DPP6: variants seen among roughly 807,000 people sequenced by gnomAD.
The protein encoded by DPP6 is A-type potassium channel modulatory protein DPP6.
Under a neutral mutation model 122.6 loss-of-function variants are expected in DPP6, and 69 were observed. The ratio of observed to expected loss-of-function variants is 0.56; its 90% CI spans 0.46 to 0.69. The LOEUF (loss-of-function observed/expected upper bound fraction) is 0.69. DPP6 is among the 30% of genes least tolerant of loss of function. The pLI is 0.00. For missense variants in DPP6, 928 were observed against 1,116.9 expected (o/e 0.83, Z 2.41); for synonymous variants, 418 against 433.1 (o/e 0.97, Z 0.43).
At chr7:154,233,542 T>A (rs1417239954) in intron 1 of DPP6, among the ~76,000 whole-genome samples, 1 of 152,118 alleles carries the variant, frequency 6.6e-6, no homozygotes, top group Non-Finnish European at 1.5e-5. Context: ...GGTGTCCTTA[T>A]GAAAAGAGGA....
chr7:154,014,147 C>G (rs1374217984), intron 1 of DPP6, among the ~76,000 whole-genome samples: 1 of 150,702 alleles, frequency 6.6e-6, no homozygotes, highest in East Asian at 1.9e-4. Context: ...TAAAAAGACC[C>G]TAATGTAGCA....
At chr7:154,454,720 T>G (rs1820678884) in intron 2 of DPP6, among the ~76,000 whole-genome samples, 1 of 152,152 alleles carries the variant, frequency 6.6e-6, no homozygotes, top group African/African-American at 2.4e-5. Context: ...TACACCAGTG[T>G]CCTAACCAGT....
At chr7:153,924,767 TTGCAGGACGTTGTGTG>T (rs1800811366) in intron 1 of DPP6, among the ~76,000 whole-genome samples, 1 of 152,204 alleles carries the variant, frequency 6.6e-6, no homozygotes, top group Admixed American at 6.5e-5. Context: ...GTCCCAGGTG[TTGCAGGACGTTGTGTG>T]TGCCCACAAG....
chr7:153,980,747 C>T (rs2531121), intron 1 of DPP6, among the ~76,000 whole-genome samples: 1 of 152,062 alleles, frequency 6.6e-6, no homozygotes, highest in African/African-American at 2.4e-5. Context: ...GTACATTGTG[C>T]CTTTGTTCTC....
intron 1 of DPP6, among the ~76,000 whole-genome samples, chr7:154,054,604 T>C (rs1800660650): frequency 6.6e-6 from 1 of 152,086 alleles, no homozygotes; most frequent in African/African-American, 2.4e-5. Flanking sequence ...TCCCTCACTT[T>C]GGTGGGCCAA....
chr7:154,889,767 T>C, intron 25 of DPP6: 1 of 605,432 alleles, frequency 1.7e-6, no homozygotes. Context: ...GACAACCATC[T>C]CCCCGTACTC....
At chr7:153,939,710 C>T (rs1348170834) in intron 1 of DPP6, among the ~76,000 whole-genome samples, 1 of 152,202 alleles carries the variant, frequency 6.6e-6, no homozygotes, top group Non-Finnish European at 1.5e-5. Context: ...CAGGGAACTC[C>T]ATGCTCTCAT....
At chr7:154,439,794 T>G (rs1819203999) in intron 1 of DPP6, among the ~76,000 whole-genome samples, 1 of 152,214 alleles carries the variant, frequency 6.6e-6, no homozygotes, top group South Asian at 2.1e-4. Context: ...GTGGGTAGGA[T>G]TTCAAACTGC....
rs61038137 is a variant in DPP6, at chr7:154,483,401, T to TTTTTTTTAA, written c.457+8364_457+8365insTTTTTTTAA. Among the ~76,000 whole-genome samples the TTTTTTTTAA allele has an allele frequency of 2.6e-5, 4 of 151,248 alleles. No individual in the cohort carries two copies. The highest frequency in any genetic ancestry group is 9.7e-5 in the African/African-American group (4 of 41,130). ...AGGCACAATACAATTTTTTTTTTTTTAAAAGCATTTATTTGAGCAAACAGT... is the reference window on the plus strand; with the variant it reads ...AGGCACAATACAATTTTTTTTTTTTTTTTTTTTAAAAAAGCATTTATTTGAGCAAACAGT... On this transcript the variant is annotated intron_variant, in intron 3 of 25. Coordinates refer to ENST00000377770, the MANE Select transcript of DPP6 (RefSeq NM_130797.4). This position sits in a 1 kb window ranked among gnomAD's most constrained non-coding sequence, Gnocchi z 8.1.
chr7:154,072,365 T>C (rs1434189453), intron 1 of DPP6, among the ~76,000 whole-genome samples: 2 of 152,198 alleles, frequency 1.3e-5, no homozygotes, highest in Admixed American at 1.3e-4. Flanking sequence ...TTCCAGACCT[T>C]GCTAACAGCA....
At chr7:154,112,151 C>T (rs914268955) in intron 1 of DPP6, among the ~76,000 whole-genome samples, 5 of 152,146 alleles carry the variant, frequency 3.3e-5, no homozygotes, top group Admixed American at 2.0e-4. Flanking sequence ...TTTTGGATGA[C>T]GTGGACAGTG....
chr7:153,989,585 G>T (rs1797049553), intron 1 of DPP6, among the ~76,000 whole-genome samples: 1 of 151,960 alleles, frequency 6.6e-6, no homozygotes, highest in Non-Finnish European at 1.5e-5. Flanking sequence ...CAGGACCCCA[G>T]CTGCGGTCCA....
intron 1 of DPP6, among the ~76,000 whole-genome samples, chr7:154,243,261 A>G (rs1263305209): frequency 1.3e-5 from 2 of 152,188 alleles, no homozygotes; most frequent in Non-Finnish European, 2.9e-5. Flanking sequence ...AAACATGAAT[A>G]TAAGACCCAT....
intron 12 of DPP6, chr7:154,796,206 G>A: frequency 3.1e-6 from 1 of 318,700 alleles, no homozygotes; most frequent in East Asian, 5.3e-5. Flanking sequence ...CATCAAAGGT[G>A]GCTTAACATA....
chr7:154,555,294 T>C (rs895874621), intron 4 of DPP6, among the ~76,000 whole-genome samples: 5 of 152,034 alleles, frequency 3.3e-5, no homozygotes, highest in African/African-American at 1.2e-4. Flanking sequence ...CCATAAAAAA[T>C]GATGAGTTCA....
chr7:154,236,552 T>G (rs1382920034), intron 1 of DPP6, among the ~76,000 whole-genome samples: 1 of 152,170 alleles, frequency 6.6e-6, no homozygotes. Context: ...GAATGATCAG[T>G]GTAATTGTAC....
At chr7:154,778,563 C>A (rs935632691) in intron 10 of DPP6, among the ~76,000 whole-genome samples, 13 of 151,278 alleles carry the variant, frequency 8.6e-5, no homozygotes, top group South Asian at 2.1e-4. Flanking sequence ...GCACCCCCCC[C>A]CAAAAAAAAC....
upstream of DPP6, chr7:153,887,094 C>G (rs964326932): frequency 1.3e-5 from 2 of 152,590 alleles, no homozygotes; most frequent in African/African-American, 2.4e-5. Context: ...CCCAGTCCAG[C>G]TCAGTTCAGA....
intron 17 of DPP6, among the ~76,000 whole-genome samples, chr7:154,860,483 G>C (rs1803288210): frequency 1.3e-5 from 2 of 152,208 alleles, no homozygotes; most frequent in South Asian, 4.1e-4. Flanking sequence ...ATGGTGGAAA[G>C]GATGAGAGTC....
Sources: allele counts gnomAD v4.1 joint callset (sites outside exome capture counted in the v4.1 genomes callset), GRCh38; gene constraint gnomAD v4.1.1; non-coding constraint Gnocchi (gnomAD v3.1); transcripts MANE v1.5; gene names NCBI Gene and HGNC (gene_info 2026-07-23, HGNC 2026-07-21).